Variants in MACROD2 observed in about 807,000 individuals in gnomAD.
MACROD2 encodes the protein ADP-ribose glycohydrolase MACROD2.
A neutral mutation model predicts 70.4 loss-of-function variants in MACROD2; 36 were observed. The ratio of observed to expected loss-of-function variants is 0.51; its 90% CI spans 0.39 to 0.68. MACROD2 has a LOEUF of 0.68. MACROD2 is among the 30% of genes least tolerant of loss of function. The pLI is 0.00. For missense variants in MACROD2, 496 were observed against 538.4 expected (o/e 0.92, Z 0.78); for synonymous variants, 172 against 178.8 (o/e 0.96, Z 0.30).
chr20:14,073,595 T>C (rs889386083), intron 2 of MACROD2, among the ~76,000 whole-genome samples: 2 of 152,204 alleles, frequency 1.3e-5, no homozygotes, highest in Non-Finnish European at 2.9e-5. Flanking sequence ...TTTCTGCAGC[T>C]TACAGAGTTT....
intron 12 of MACROD2, among the ~76,000 whole-genome samples, chr20:15,946,430 G>A (rs2147352728): frequency 6.6e-6 from 1 of 152,248 alleles, no homozygotes; most frequent in African/African-American, 2.4e-5. Context: ...TAATACAGGT[G>A]AGGGGGGTGG....
intron 6 of MACROD2, among the ~76,000 whole-genome samples, chr20:15,326,086 G>A (rs2077925838): frequency 6.6e-6 from 1 of 152,048 alleles, no homozygotes; most frequent in Admixed American, 6.6e-5. Flanking sequence ...AGGCAATCAG[G>A]ACTGTTTTTC....
chr20:14,463,293 A>G (rs2084394979), intron 3 of MACROD2, among the ~76,000 whole-genome samples: 1 of 152,010 alleles, frequency 6.6e-6, no homozygotes, highest in African/African-American at 2.4e-5. Flanking sequence ...TTCTCTTTGA[A>G]GCAATTGTGA....
At chr20:15,426,864 G>T (rs1259681639) in intron 6 of MACROD2, among the ~76,000 whole-genome samples, 1 of 152,126 alleles carries the variant, frequency 6.6e-6, no homozygotes, top group Non-Finnish European at 1.5e-5. Flanking sequence ...TATATTAAAT[G>T]CAGCTTTGAA....
At chr20:14,909,695 A>G (rs912823418) in intron 5 of MACROD2, among the ~76,000 whole-genome samples, 1 of 152,072 alleles carries the variant, frequency 6.6e-6, no homozygotes, top group Non-Finnish European at 1.5e-5. Flanking sequence ...TAGTCAATGA[A>G]TGACCCATTT....
At chr20:14,200,207 A>G (rs929511953) in intron 3 of MACROD2, among the ~76,000 whole-genome samples, 1 of 152,206 alleles carries the variant, frequency 6.6e-6, no homozygotes, top group Admixed American at 6.5e-5. Context: ...ATAATAAACA[A>G]CATGATCATG....
At chr20:14,506,278 A>T (rs1459155647) in intron 4 of MACROD2, among the ~76,000 whole-genome samples, 1 of 152,172 alleles carries the variant, frequency 6.6e-6, no homozygotes, top group Non-Finnish European at 1.5e-5. Flanking sequence ...TCTTGTCCAA[A>T]CCTGAGGCTG....
At chr20:14,312,328 T>A (rs1313562715) in intron 3 of MACROD2, among the ~76,000 whole-genome samples, 2 of 152,184 alleles carry the variant, frequency 1.3e-5, no homozygotes, top group African/African-American at 2.4e-5. Flanking sequence ...TAATTGCATG[T>A]TGGTGTATAG....
chr20:15,609,745 C>T (rs2048941106), intron 8 of MACROD2, among the ~76,000 whole-genome samples: 1 of 152,208 alleles, frequency 6.6e-6, no homozygotes, highest in African/African-American at 2.4e-5. Flanking sequence ...TATAGAATTT[C>T]TGATTTCTCA....
At chr20:15,462,861 G>A (rs2046836754) in intron 7 of MACROD2, among the ~76,000 whole-genome samples, 1 of 152,182 alleles carries the variant, frequency 6.6e-6, no homozygotes, top group Admixed American at 6.5e-5. Flanking sequence ...TGCTGATTAT[G>A]ACTGACAACC....
chr20:14,062,341 C>T (rs182270478), intron 2 of MACROD2, among the ~76,000 whole-genome samples: 145 of 152,210 alleles, frequency 9.5e-4, no homozygotes, highest in African/African-American at 3.2e-3. Context: ...ATGGATCTAG[C>T]CTAGAAGTTC....
At chr20:14,729,055 A>G (rs2071562673) in intron 5 of MACROD2, among the ~76,000 whole-genome samples, 2 of 152,142 alleles carry the variant, frequency 1.3e-5, no homozygotes, top group African/African-American at 4.8e-5. Flanking sequence ...TTCTAATGAA[A>G]ATAGAGAGCA....
intron 3 of MACROD2, among the ~76,000 whole-genome samples, chr20:14,453,956 A>G (rs1600252551): frequency 6.6e-6 from 1 of 151,956 alleles, no homozygotes; most frequent in African/African-American, 2.4e-5. Context: ...CCAAACCCCT[A>G]TTACATTATG....
intron 8 of MACROD2, among the ~76,000 whole-genome samples, chr20:15,515,185 A>T (rs1401739676): frequency 1.3e-5 from 2 of 152,326 alleles, no homozygotes; most frequent in East Asian, 3.9e-4. Context: ...CTGCTCTTAT[A>T]AGCTCCTAAG....
intron 7 of MACROD2, among the ~76,000 whole-genome samples, chr20:15,455,072 G>A (rs1034201060): frequency 6.6e-6 from 1 of 152,148 alleles, no homozygotes; most frequent in Non-Finnish European, 1.5e-5. Context: ...GTTGGACCAA[G>A]GCATCCCAAC....
chr20:14,330,681 TCAAA>T (rs1189564387), intron 3 of MACROD2, among the ~76,000 whole-genome samples: 3 of 152,086 alleles, frequency 2.0e-5, no homozygotes, highest in Non-Finnish European at 4.4e-5. Context: ...AGCAGATGGA[TCAAA>T]CAGTCTCTAG....
At chr20:15,417,403 C>A (rs1314440202) in intron 6 of MACROD2, among the ~76,000 whole-genome samples, 1 of 151,372 alleles carries the variant, frequency 6.6e-6, no homozygotes, top group Non-Finnish European at 1.5e-5. Flanking sequence ...CCAGCCTGGA[C>A]AACACAGCAA....
At chr20:14,955,469 T>C (rs1258312102) in intron 5 of MACROD2, among the ~76,000 whole-genome samples, 1 of 151,560 alleles carries the variant, frequency 6.6e-6, no homozygotes, top group Non-Finnish European at 1.5e-5. Context: ...GTTAGTGTTA[T>C]CGTATATTGC....
At chr20:15,349,356 T>C (rs142522795) in intron 6 of MACROD2, among the ~76,000 whole-genome samples, 71 of 152,330 alleles carry the variant, frequency 4.7e-4, no homozygotes, top group Admixed American at 1.3e-3. Flanking sequence ...ATTACCTAGG[T>C]AAGCTGGCAC....
Sources: allele counts gnomAD v4.1 joint callset (sites outside exome capture counted in the v4.1 genomes callset), GRCh38; gene constraint gnomAD v4.1.1; transcripts MANE v1.5; gene names NCBI Gene and HGNC (gene_info 2026-07-23, HGNC 2026-07-21).